CA10: variants seen among roughly 807,000 people sequenced by gnomAD.
CA10 encodes the protein carbonic anhydrase-related protein 10.
In CA10, 14 loss-of-function variants were observed where a neutral mutation model predicts 44.2. The observed-to-expected ratio is 0.32, with a 90% CI of 0.21 to 0.50. CA10 has a LOEUF of 0.50. Among genes scored for constraint, CA10 ranks in the 20% least tolerant of loss-of-function variants. The probability of loss-of-function intolerance (pLI) is 0.99; values close to 1 mark genes in which losing one functional copy is unlikely to be tolerated. For synonymous variants in CA10, 159 were observed against 141.6 expected (o/e 1.12, Z -0.87); for missense variants, 350 against 409.7 (o/e 0.85, Z 1.26).
intron 3 of CA10, among the ~76,000 whole-genome samples, chr17:51,791,985 T>C (rs1364835517): frequency 6.6e-6 from 1 of 152,182 alleles, no homozygotes; most frequent in East Asian, 1.9e-4. Context: ...TAGACACTTA[T>C]ATAATCTTTG....
At chr17:52,046,097 C>T (rs2144200600) in intron 2 of CA10, among the ~76,000 whole-genome samples, 1 of 151,698 alleles carries the variant, frequency 6.6e-6, no homozygotes, top group Admixed American at 6.6e-5. Flanking sequence ...GGGAAATTTC[C>T]AGCACTAAAT....
chr17:51,865,258 C>T (rs1040138027), intron 3 of CA10, among the ~76,000 whole-genome samples: 1 of 152,184 alleles, frequency 6.6e-6, no homozygotes, highest in Admixed American at 6.5e-5. Flanking sequence ...GGTTTATTTG[C>T]TTGTCTCTCC....
intron 3 of CA10, among the ~76,000 whole-genome samples, chr17:51,901,988 A>G (rs937276439): frequency 3.3e-5 from 5 of 152,216 alleles, no homozygotes; most frequent in Non-Finnish European, 7.3e-5. Context: ...AAACCTGGAA[A>G]GAAATACAGT....
At chr17:51,636,178 G>T (rs1912820504) in intron 6 of CA10, among the ~76,000 whole-genome samples, 169 bp from the exon 7 acceptor site, 1 of 152,060 alleles carries the variant, frequency 6.6e-6, no homozygotes, top group Non-Finnish European at 1.5e-5. Context: ...TGTCAGAACA[G>T]GCTGCAGTAA....
intron 2 of CA10, among the ~76,000 whole-genome samples, chr17:51,991,829 C>T (rs1445259226): frequency 6.6e-6 from 1 of 151,914 alleles, no homozygotes. Flanking sequence ...AAATAAATGC[C>T]TTTTGTTGAT....
intron 2 of CA10, among the ~76,000 whole-genome samples, chr17:52,003,572 C>A (rs924550256): frequency 6.6e-6 from 1 of 151,820 alleles, no homozygotes; most frequent in Non-Finnish European, 1.5e-5. Context: ...TTTTAGGCTA[C>A]AATTTTGAAT....
intron 1 of CA10, among the ~76,000 whole-genome samples, chr17:52,081,095 C>T (rs537742794): frequency 3.3e-5 from 5 of 151,916 alleles, no homozygotes; most frequent in East Asian, 1.9e-4. Flanking sequence ...ATACATTCTC[C>T]GGGAGGGAGA....
intron 7 of CA10, 79 bp downstream of exon 7, chr17:51,635,776 T>A (rs764559752): frequency 4.9e-5 from 56 of 1,154,158 alleles, no homozygotes; most frequent in Non-Finnish European, 6.7e-5. Context: ...TAAACTATTA[T>A]AATAGGCACT....
intron 2 of CA10, among the ~76,000 whole-genome samples, chr17:51,984,576 G>A (rs190003979): frequency 6.6e-6 from 1 of 151,906 alleles, no homozygotes; most frequent in East Asian, 1.9e-4. Flanking sequence ...CAAAAAGCTG[G>A]TTCTTTGAAA....
chr17:52,003,224 CA>C, intron 2 of CA10, among the ~76,000 whole-genome samples: 1 of 151,892 alleles, frequency 6.6e-6, no homozygotes, highest in East Asian at 2.0e-4. Flanking sequence ...TTACATTTTT[CA>C]AGTCAAACTT....
At chr17:51,837,385 C>T (rs959080872) in intron 3 of CA10, among the ~76,000 whole-genome samples, 1 of 152,112 alleles carries the variant, frequency 6.6e-6, no homozygotes, top group African/African-American at 2.4e-5. Flanking sequence ...TGAAGGTCTA[C>T]CTTTTGGCAA....
At chr17:52,118,638 G>T (rs955652171) in intron 1 of CA10, among the ~76,000 whole-genome samples, 2 of 151,790 alleles carry the variant, frequency 1.3e-5, no homozygotes, top group Non-Finnish European at 1.5e-5. Flanking sequence ...TCTTCTTCAG[G>T]TTATAATTTA....
In CA10 at chr17:51,875,521, G is replaced by A. The variant is rs575809193; in HGVS notation, c.279+55469C>T. Among the ~76,000 whole-genome samples, 4 of 152,250 alleles carry A rather than the reference G, an allele frequency of 2.6e-5. No homozygotes were observed. The East Asian group carries it at 7.7e-4, about 29-fold the overall frequency. On this transcript the variant is annotated intron_variant, in intron 3 of 8. Transcript: ENST00000451037. ...TCATGTGGAGGCAGCTTTATGCAAT[G>A]GGGAAGAAGGCTGTTTCTGCAGTCA...
In CA10 at chr17:52,124,546, A is replaced by G. The variant is rs567477482; in HGVS notation, c.61+33180T>C. Among the ~76,000 whole-genome samples the G allele has an allele frequency of 2.9e-4, 44 of 152,328 alleles. 1 individual carries two copies. The South Asian group carries it at 3.3e-3, about 11-fold the overall frequency. On this transcript the variant is annotated intron_variant, in intron 1 of 8. Transcript: ENST00000451037. ...TAGAGAGCTCTATCTTCCTGTGCCT[A>G]TGGAATAAAAATATAATTCTTTAGC... is the stretch of plus-strand genomic sequence containing the variant.
intron 1 of CA10, among the ~76,000 whole-genome samples, chr17:52,110,535 A>G (rs1429778258): frequency 1.3e-5 from 2 of 152,164 alleles, no homozygotes; most frequent in Admixed American, 6.5e-5. Context: ...GGCTCTCTAG[A>G]GTTAATATTT....
intron 1 of CA10, among the ~76,000 whole-genome samples, chr17:52,100,074 G>A (rs964648010): frequency 6.6e-6 from 1 of 152,202 alleles, no homozygotes; most frequent in South Asian, 2.1e-4. Flanking sequence ...ACGGAGTGAA[G>A]AGAGTGGTAG....
intron 4 of CA10, among the ~76,000 whole-genome samples, chr17:51,725,305 G>C (rs1295068198): frequency 6.6e-6 from 1 of 152,248 alleles, no homozygotes; most frequent in African/African-American, 2.4e-5. Flanking sequence ...GGACCAGTAA[G>C]TTGGCTTGGT....
rs546024330 is a variant in CA10 at position 51,715,189 on chromosome 17, C to T, written c.465+32444G>A. ...AATGAGAACACATGGACACAGGAAG[C>T]GGAACATCACACACCAGGGACTGTT... On this transcript the variant is annotated intron_variant, in intron 4 of 8. Coordinates refer to ENST00000451037, the MANE Select transcript of CA10 (RefSeq NM_020178.5). Among the ~76,000 whole-genome samples the T allele has an allele frequency of 4.6e-5, 7 of 151,618 alleles. No homozygotes were observed. In the South Asian group the frequency reaches 8.4e-4, roughly 18 times the overall value.
chr17:51,734,976 C>G (rs143391682), intron 4 of CA10, among the ~76,000 whole-genome samples: 1 of 152,106 alleles, frequency 6.6e-6, no homozygotes, highest in Admixed American at 6.6e-5. Flanking sequence ...AAGGAGGAGG[C>G]TTTTTCTCCT....
Sources: gnomAD v4.1 joint callset for allele counts (sites outside exome capture counted in the v4.1 genomes callset) on GRCh38, gnomAD v4.1.1 for gene constraint, MANE v1.5 for transcripts, NCBI Gene and HGNC (gene_info 2026-07-23, HGNC 2026-07-21) for gene names.